KATNAL2: variants seen among roughly 807,000 people sequenced by gnomAD.
KATNAL2 encodes katanin p60 ATPase-containing subunit A-like 2.
A neutral mutation model predicts 76.3 loss-of-function variants in KATNAL2; 52 were observed. The ratio of observed to expected loss-of-function variants is 0.68; its 90% CI spans 0.55 to 0.86. The LOEUF (loss-of-function observed/expected upper bound fraction) is 0.86. KATNAL2 is among the 40% of genes least tolerant of loss of function. The probability of loss-of-function intolerance (pLI) is 0.00; values close to 1 mark genes in which losing one functional copy is unlikely to be tolerated. For synonymous variants in KATNAL2, 243 were observed against 244.2 expected, an observed-to-expected ratio of 1.00 and a Z score of 0.05; for missense variants, 660 against 668.9, an observed-to-expected ratio of 0.99 and a Z score of 0.15.
At chr18:47,049,520 A>G (rs2061274684) in intron 4 of KATNAL2, among the ~76,000 whole-genome samples, 1 of 152,190 alleles carries the variant, frequency 6.6e-6, no homozygotes, top group Non-Finnish European at 1.5e-5. Context: ...CAGTAGTTAT[A>G]CAGAATATTA....
In KATNAL2 at chr18:47,101,066, G is replaced by A. The variant is rs756639625; in HGVS notation, c.*61G>A. On this transcript the variant is annotated 3_prime_UTR_variant, in exon 18 of 18. Transcript: ENST00000683218. Reference sequence around the variant, plus strand: ...CACAAAGACCTCCTAGTTTATTAATGTCCGTGGGAGAACAAAATGATTGGA... The same window carrying A: ...CACAAAGACCTCCTAGTTTATTAATATCCGTGGGAGAACAAAATGATTGGA... 1.3e-6 allele frequency: 2 copies of A among 1,564,052 alleles called. No individual in the cohort carries two copies. Among genetic ancestry groups the A allele is most frequent in the Non-Finnish European group, 1.8e-6 (2 of 1,141,326 alleles).
At chr18:47,093,625 G>A (rs951100008) in intron 15 of KATNAL2, among the ~76,000 whole-genome samples, 3 of 151,850 alleles carry the variant, frequency 2.0e-5, no homozygotes, top group Non-Finnish European at 4.4e-5. Flanking sequence ...TCAACCTCTT[G>A]GGTTCAAGCG....
intron 3 of KATNAL2, among the ~76,000 whole-genome samples, chr18:47,044,962 G>T (rs1412239597): frequency 1.3e-5 from 2 of 151,956 alleles, no homozygotes; most frequent in African/African-American, 2.4e-5. Flanking sequence ...TATCTAGGTG[G>T]TAGTGTGCAC....
At chr18:46,937,102 C>T (rs900883509) in intron 1 of KATNAL2, among the ~76,000 whole-genome samples, 2 of 152,172 alleles carry the variant, frequency 1.3e-5, no homozygotes, top group Non-Finnish European at 2.9e-5. Context: ...AGTTTTTCAT[C>T]ACTTTCCAGG....
At chr18:46,930,966 G>T (rs1422281923) in intron 1 of KATNAL2, among the ~76,000 whole-genome samples, 1 of 151,918 alleles carries the variant, frequency 6.6e-6, no homozygotes, top group Non-Finnish European at 1.5e-5. Context: ...AGCCAGGCAT[G>T]GTGGCACACG....
At position 47,059,603 on chromosome 18, in the gene KATNAL2, T is replaced by G. The variant is rs143102397; in HGVS notation, c.498T>G (p.His166Gln). Reference protein sequence around the residue: ...TRLESANFGLHISRIRKDSGE... With the variant: ...TRLESANFGLQISRIRKDSGE... The stretch of plus-strand genomic sequence containing the variant: ...TGGAAAGTGCCAACTTCGGCCTACA[T>G]ATATCAAGAATCCGTAAAGACAGTG... Residue 166 changes from histidine (H) to glutamine (Q), a missense_variant, in exon 8 of 18, where the codon CAT (histidine) becomes CAG (glutamine). His to Gln is a conservative substitution (Grantham distance 24). Coordinates refer to ENST00000683218, the MANE Select transcript of KATNAL2 (RefSeq NM_001387690.1). The G allele has an allele frequency of 1.9e-6, 3 of 1,613,792 alleles. No individual in the cohort carries two copies. The highest frequency in any genetic ancestry group is 2.5e-6 in the Non-Finnish European group (3 of 1,179,678).
chr18:46,951,120 C>T (rs919610237), intron 3 of KATNAL2, among the ~76,000 whole-genome samples: 9 of 152,170 alleles, frequency 5.9e-5, no homozygotes, highest in African/African-American at 2.2e-4. Context: ...TCCCTTCCCT[C>T]ATTCTCTCAA....
At chr18:46,955,330 C>T (rs1406836324) in intron 3 of KATNAL2, among the ~76,000 whole-genome samples, 1 of 151,468 alleles carries the variant, frequency 6.6e-6, no homozygotes, top group Non-Finnish European at 1.5e-5. Context: ...GATTCTCCTG[C>T]CTCAGCCTCC....
intron 8 of KATNAL2, 52 bp from the exon 9 acceptor site, chr18:47,062,920 A>T: frequency 5.7e-6 from 8 of 1,404,586 alleles, no homozygotes; most frequent in Non-Finnish European, 8.0e-6. Context: ...AGTTATTAAG[A>T]AGAGTCTTCT....
At chr18:46,956,589 A>G (rs2059754551) in intron 3 of KATNAL2, among the ~76,000 whole-genome samples, 1 of 151,980 alleles carries the variant, frequency 6.6e-6, no homozygotes, top group African/African-American at 2.4e-5. Flanking sequence ...TTATATTTGA[A>G]TGTTTACTGG....
rs116115145 is a variant in KATNAL2, at chr18:47,032,897, C to A, written c.52-13560C>A. 3.9e-3 allele frequency: 6,291 copies of A among 1,593,228 alleles called. 201 individuals are homozygous for A. In the African/African-American group the frequency reaches 0.074, roughly 19 times the overall value. On this transcript the variant is annotated intron_variant, in intron 3 of 17. Coordinates refer to ENST00000683218, the MANE Select transcript of KATNAL2 (RefSeq NM_001387690.1). ...AGAATTCAAAGGCTCAACTTTGCAC[C>A]AAGTTAAAGGTTCTGGTGTCCATTG...
Position 46,920,791 on chromosome 18 carries a change from A to C in KATNAL2, c.-510+2865A>C, listed in dbSNP as rs181087579. Among the ~76,000 whole-genome samples the C allele has an allele frequency of 2.0e-5, 3 of 152,288 alleles. No homozygotes were observed. In the East Asian group the frequency reaches 5.8e-4, roughly 29 times the overall value. The stretch of plus-strand genomic sequence containing the variant: ...TCATTAAAAAGAAATCCCTGCACTT[A>C]CTTGAATCCAACTTCCTTATAACAT... On this transcript the variant is annotated intron_variant, in intron 1 of 17. Coordinates refer to ENST00000683218, the MANE Select transcript of KATNAL2 (RefSeq NM_001387690.1).
intron 3 of KATNAL2, among the ~76,000 whole-genome samples, chr18:46,947,714 A>G (rs1435798682): frequency 6.6e-6 from 1 of 152,222 alleles, no homozygotes; most frequent in Non-Finnish European, 1.5e-5. Context: ...AGGTGATTAC[A>G]GTGTGTAGCC....
chr18:47,044,782 AACAAAAACAGTTTAAAAT>A (rs1569072829), intron 3 of KATNAL2, among the ~76,000 whole-genome samples: 1 of 144,900 alleles, frequency 6.9e-6, no homozygotes, highest in Non-Finnish European at 1.5e-5. Context: ...CAAAAACAAA[AACAAAAACAGTTTAAAAT>A]GGGTCCGGTG....
At chr18:47,036,803 A>G (rs957452836) in intron 3 of KATNAL2, among the ~76,000 whole-genome samples, 2 of 152,240 alleles carry the variant, frequency 1.3e-5, no homozygotes, top group Non-Finnish European at 2.9e-5. Context: ...ATAGTTGACC[A>G]ATTCTGACAT....
At chr18:47,074,331 G>C (rs1361226724) in intron 13 of KATNAL2, among the ~76,000 whole-genome samples, 1 of 152,196 alleles carries the variant, frequency 6.6e-6, no homozygotes, top group East Asian at 1.9e-4. Context: ...GGGATGAGCT[G>C]CTGCTGCTCG....
intron 3 of KATNAL2, among the ~76,000 whole-genome samples, chr18:47,031,777 C>A (rs1186789030): frequency 1.3e-5 from 2 of 152,140 alleles, no homozygotes; most frequent in African/African-American, 4.8e-5. Context: ...CCCACCTGGA[C>A]TTTTTTGAGT....
intron 3 of KATNAL2, among the ~76,000 whole-genome samples, chr18:47,045,247 T>A (rs530979815): frequency 2.1e-4 from 32 of 152,244 alleles, no homozygotes; most frequent in Admixed American, 2.0e-4. Context: ...CATTATAACA[T>A]TAATTTTTAG....
intron 3 of KATNAL2, among the ~76,000 whole-genome samples, chr18:47,043,149 C>T (rs1028264191): frequency 2.0e-5 from 3 of 148,572 alleles, no homozygotes; most frequent in Non-Finnish European, 4.4e-5. Context: ...ATGGCGTGAA[C>T]GCGGGAGGCG....
Sources: allele counts gnomAD v4.1 joint callset (sites outside exome capture counted in the v4.1 genomes callset), GRCh38; gene constraint gnomAD v4.1.1; transcripts MANE v1.5; gene names NCBI Gene and HGNC (gene_info 2026-07-23, HGNC 2026-07-21).